CERT1: variants seen among roughly 807,000 people sequenced by gnomAD.
The protein encoded by CERT1 is ceramide transporter 1.
In CERT1, 31 loss-of-function variants were observed where a neutral mutation model predicts 87.9. The observed-to-expected ratio is 0.35, with a 90% CI of 0.27 to 0.48. CERT1 has a LOEUF of 0.48. Ranked by LOEUF, CERT1 falls within the 20% of genes least tolerant of loss-of-function variation. The pLI, the probability that CERT1 is intolerant of heterozygous loss-of-function variation, is 0.99. For synonymous variants in CERT1, 289 were observed against 250.9 expected, an observed-to-expected ratio of 1.15 and a Z score of -1.44; for missense variants, 487 against 758.0, an observed-to-expected ratio of 0.64 and a Z score of 4.20.
chr5:75,431,230 T>G (rs903447868), intron 3 of CERT1, among the ~76,000 whole-genome samples: 4 of 152,168 alleles, frequency 2.6e-5, no homozygotes, highest in African/African-American at 9.7e-5. Flanking sequence ...CACCCTCAAG[T>G]AGGGCCCAGT....
intron 3 of CERT1, among the ~76,000 whole-genome samples, chr5:75,453,758 T>C (rs1429499263): frequency 8.5e-5 from 13 of 152,198 alleles, no homozygotes. Context: ...TTCATCACTA[T>C]CACCATTATT....
chr5:75,507,703 A>G (rs1767718821), intron 1 of CERT1, among the ~76,000 whole-genome samples: 1 of 152,226 alleles, frequency 6.6e-6, no homozygotes, highest in Admixed American at 6.5e-5. Context: ...AGGATAAAAT[A>G]GGCTCAACTA....
intron 3 of CERT1, among the ~76,000 whole-genome samples, chr5:75,431,289 C>CATATGGAGGTAAGTAAGA (rs1290833571): frequency 1.4e-4 from 22 of 152,240 alleles, no homozygotes; most frequent in African/African-American, 5.3e-4. Context: ...GTTTACCTCC[C>CATATGGAGGTAAGTAAGA]ACTTTTAAGT....
chr5:75,394,788 C>T (rs1762179800), intron 11 of CERT1, among the ~76,000 whole-genome samples: 1 of 151,564 alleles, frequency 6.6e-6, no homozygotes, highest in South Asian at 2.1e-4. Flanking sequence ...GCCTTTGTTC[C>T]CACAATTATG....
intron 11 of CERT1, among the ~76,000 whole-genome samples, chr5:75,392,396 T>G (rs879933065): frequency 1.3e-5 from 2 of 152,192 alleles, no homozygotes; most frequent in Non-Finnish European, 2.9e-5. Flanking sequence ...AAACTAAAGA[T>G]TCTAATGAAG....
chr5:75,420,547 G>A lies in CERT1; in HGVS notation c.596-1123C>T, dbSNP rs570839001. ...TTTAGTAGAGACGGGGTTTGACCAT[G>A]TTAGCCAGGAATCCGGTCTCAATCT... On this transcript the variant is annotated intron_variant, in intron 5 of 16. Coordinates refer to ENST00000643780, the MANE Select transcript of CERT1 (RefSeq NM_001379029.1). Among the ~76,000 whole-genome samples, 10 of 152,170 alleles carry A rather than the reference G, an allele frequency of 6.6e-5. No homozygotes were observed. The South Asian group carries it at 2.1e-3, about 32-fold the overall frequency.
At chr5:75,443,370 T>G (rs1055461411) in intron 3 of CERT1, among the ~76,000 whole-genome samples, 2 of 152,222 alleles carry the variant, frequency 1.3e-5, no homozygotes, top group African/African-American at 4.8e-5. Flanking sequence ...CTGCTTTCAC[T>G]GTATCCTCAA....
At chr5:75,380,387 A>G (rs1232611489) in intron 16 of CERT1, among the ~76,000 whole-genome samples, 1 of 152,242 alleles carries the variant, frequency 6.6e-6, no homozygotes, top group East Asian at 1.9e-4. Context: ...AGAAAGCTAA[A>G]AAGGCTGACA....
rs143317974 is a variant in CERT1 at position 75,511,282 on chromosome 5, G to A, written c.-75C>T. The A allele has an allele frequency of 1.1e-4, 170 of 1,578,656 alleles. 1 individual carries two copies. The African/African-American group carries it at 2.0e-3, about 18-fold the overall frequency. On this transcript the variant is annotated 5_prime_UTR_variant, in exon 1 of 17. Transcript: ENST00000643780. ...CCGGAGGAGGCGCCCAGTCCTCGGG[G>A]TGAAGGGTCGGGGGATGGCGAAGCG...
chr5:75,491,023 A>G (rs936806309), intron 2 of CERT1, among the ~76,000 whole-genome samples: 1 of 152,018 alleles, frequency 6.6e-6, no homozygotes, highest in East Asian at 1.9e-4. Flanking sequence ...GTGTATACTA[A>G]TAGTTTTCTT....
chr5:75,408,620 A>G (rs1457194870), intron 8 of CERT1, among the ~76,000 whole-genome samples: 2 of 152,112 alleles, frequency 1.3e-5, no homozygotes, highest in African/African-American at 2.4e-5. Context: ...TAGGGACTCT[A>G]AAAGGAGGAA....
chr5:75,396,644 G>A (rs1225713863), intron 11 of CERT1, among the ~76,000 whole-genome samples: 4 of 150,434 alleles, frequency 2.7e-5, no homozygotes, highest in Non-Finnish European at 5.9e-5. Context: ...CAAGAGAATC[G>A]CTTGAATCCA....
intron 2 of CERT1, among the ~76,000 whole-genome samples, chr5:75,475,701 T>G (rs952847079): frequency 3.3e-5 from 5 of 152,084 alleles, no homozygotes; most frequent in Non-Finnish European, 7.4e-5. Flanking sequence ...TAGCCTTTTT[T>G]TTTTCTTTTT....
At chr5:75,420,722 CAT>C (rs140108007) in intron 5 of CERT1, among the ~76,000 whole-genome samples, 1,676 of 152,284 alleles carry the variant, frequency 0.011, 34 homozygotes, top group African/African-American at 0.039. Flanking sequence ...TACTACGCCA[CAT>C]GCTTTAATTC....
At chr5:75,488,157 A>C (rs1038886918) in intron 2 of CERT1, among the ~76,000 whole-genome samples, 1 of 152,092 alleles carries the variant, frequency 6.6e-6, no homozygotes, top group South Asian at 2.1e-4. Context: ...CACAGTGACT[A>C]GAGTGAACAA....
At position 75,416,903 on chromosome 5, in the gene CERT1, C is replaced by T. The variant is rs202235905; in HGVS notation, c.810G>A (p.Glu270=). 19 of 1,611,220 alleles carry T rather than the reference C, an allele frequency of 1.2e-5. No homozygotes were observed. The East Asian group carries it at 3.8e-4, about 32-fold the overall frequency. ...TATCCAGTCTCTTCTGCCAGCTGTC[C>T]TCACGTTTAACCATTAGTTCAATAC... The part of the protein sequence containing the change: ...SHCIELMVKR[E]DSWQKRLDKE... Residue 270 remains glutamate (E), a synonymous_variant, in exon 7 of 17, where the codon GAG becomes GAA. Transcript: ENST00000643780.
chr5:75,469,330 A>T (rs1009728421), intron 2 of CERT1, among the ~76,000 whole-genome samples: 1 of 152,200 alleles, frequency 6.6e-6, no homozygotes, highest in Non-Finnish European at 1.5e-5. Flanking sequence ...TAGCATTAAA[A>T]GCAAATTTTT....
At chr5:75,472,503 A>G (rs1265477508) in intron 2 of CERT1, among the ~76,000 whole-genome samples, 1 of 152,232 alleles carries the variant, frequency 6.6e-6, no homozygotes, top group Non-Finnish European at 1.5e-5. Flanking sequence ...GAATGGGAGA[A>G]AATATCTGCA....
At chr5:75,395,736 C>T (rs1301298725) in intron 11 of CERT1, among the ~76,000 whole-genome samples, 2 of 151,822 alleles carry the variant, frequency 1.3e-5, no homozygotes, top group East Asian at 1.9e-4. Flanking sequence ...ATAGCGTGTG[C>T]CTGTAATCCC....
Sources: gnomAD v4.1 joint callset for allele counts (sites outside exome capture counted in the v4.1 genomes callset) on GRCh38, gnomAD v4.1.1 for gene constraint, MANE v1.5 for transcripts, NCBI Gene and HGNC (gene_info 2026-07-23, HGNC 2026-07-21) for gene names.